ANP32A: variants seen among roughly 807,000 people sequenced by gnomAD.
ANP32A encodes the protein acidic nuclear phosphoprotein 32 family member A, also known as acidic leucine-rich nuclear phosphoprotein 32 family member A.
ANP32A carries 1 observed loss-of-function variant against 33.9 expected under a neutral mutation model. That is an observed-to-expected ratio of 0.03 (90% CI 0.01 to 0.14). ANP32A has a LOEUF of 0.14. Ranked by LOEUF, ANP32A falls within the 10% of genes least tolerant of loss-of-function variation. The probability of loss-of-function intolerance (pLI) is 1.00; values close to 1 mark genes in which losing one functional copy is unlikely to be tolerated. For missense variants in ANP32A, 155 were observed against 306.0 expected (o/e 0.51, Z 3.68); for synonymous variants, 115 against 120.5 (o/e 0.95, Z 0.30).
chr15:68,787,744 G>T, intron 2 of ANP32A, 26 bp downstream of exon 2: 1 of 1,119,406 alleles, frequency 8.9e-7, no homozygotes, highest in Non-Finnish European at 1.4e-6. Context: ...CCGCCTCCCA[G>T]CACACACAGA....
intron 1 of ANP32A, among the ~76,000 whole-genome samples, chr15:68,804,618 T>C (rs895226960): frequency 6.6e-6 from 1 of 152,160 alleles, no homozygotes; most frequent in Non-Finnish European, 1.5e-5. Context: ...CTGCAACCTC[T>C]GATTCTCCTG....
Position 68,800,743 on chromosome 15 carries a change from C to CAAAAA in ANP32A, c.55-12829_55-12825dup, listed in dbSNP as rs398070692. On this transcript the variant is annotated intron_variant, in intron 1 of 6. Coordinates refer to ENST00000465139, the MANE Select transcript of ANP32A (RefSeq NM_006305.4). ...TGGGCGACACAGCGAGACTCCGTCT[C>CAAAAA]AAAAAAAAAAAAAAGAAAGAAAAGA... is the stretch of plus-strand genomic sequence containing the variant. Among the ~76,000 whole-genome samples, 5 of 83,628 alleles carry CAAAAA rather than the reference C, an allele frequency of 6.0e-5. 2 individuals carry two copies. The highest frequency in any genetic ancestry group is 1.1e-4 in the Non-Finnish European group (5 of 43,768). 54.9% of individuals were successfully genotyped at this position (83,628 alleles called of 152,430 possible). A position where few individuals can be genotyped will look rare whatever the true frequency, so the allele number is the denominator to read the frequency against.
At chr15:68,816,877 C>T (rs1894389601) in intron 1 of ANP32A, among the ~76,000 whole-genome samples, 1 of 152,190 alleles carries the variant, frequency 6.6e-6, no homozygotes, top group African/African-American at 2.4e-5. Context: ...CACAGGGGAA[C>T]TCAGGCTCAA....
At chr15:68,793,117 A>G (rs1228268681) in intron 1 of ANP32A, among the ~76,000 whole-genome samples, 2 of 152,164 alleles carry the variant, frequency 1.3e-5, no homozygotes, top group African/African-American at 4.8e-5. Context: ...TTACTCGTGT[A>G]TTAAGCATCC....
rs1244797225 is a variant in ANP32A, at chr15:68,784,208, GA to G, written c.526+188del. 11 of 638,942 alleles carry G rather than the reference GA, an allele frequency of 1.7e-5. No homozygotes were observed. The East Asian group carries it at 3.0e-4, about 18-fold the overall frequency. The allele number at this position is 638,942 out of a possible 1,614,324, so 39.6% of individuals were successfully genotyped here. On this transcript the variant is annotated intron_variant, in intron 4 of 6. Transcript: ENST00000465139. ...CCAATGAGACAGATTAGGGACTATG[GA>G]AAACAAAGCAGACAGCCCTACTCCC...
intron 1 of ANP32A, among the ~76,000 whole-genome samples, chr15:68,811,780 G>A (rs531059491): frequency 1.3e-5 from 2 of 152,306 alleles, no homozygotes; most frequent in East Asian, 3.9e-4. Context: ...CGTTGCCCAG[G>A]CTGGAATGCA....
intron 1 of ANP32A, among the ~76,000 whole-genome samples, chr15:68,800,910 C>T (rs1894125795): frequency 1.3e-5 from 2 of 151,846 alleles, no homozygotes. Flanking sequence ...AAGGAAAAGC[C>T]AGGGCAAAGA....
chr15:68,785,287 G>A (rs893322047), intron 3 of ANP32A, among the ~76,000 whole-genome samples: 1 of 152,154 alleles, frequency 6.6e-6, no homozygotes, highest in African/African-American at 2.4e-5. Context: ...CTCTGTCAAA[G>A]CTTTACACCA....
chr15:68,782,586 T>A (rs1158068489), intron 5 of ANP32A, among the ~76,000 whole-genome samples: 1 of 152,184 alleles, frequency 6.6e-6, no homozygotes, highest in African/African-American at 2.4e-5. Context: ...CAGACTTTGG[T>A]TTTCCCTAGC....
chr15:68,792,247 C>G (rs1465658294), intron 1 of ANP32A: 1 of 152,136 alleles, frequency 6.6e-6, no homozygotes, highest in Admixed American at 6.5e-5. Context: ...TTCCACTGAC[C>G]ATTTAAAAAT....
In ANP32A at chr15:68,784,791, C is replaced by G. The variant is rs117369378; in HGVS notation, c.328-196G>C. Among the ~76,000 whole-genome samples the G allele has an allele frequency of 4.6e-5, 7 of 152,114 alleles. No individual in the cohort carries two copies. In the South Asian group the frequency reaches 1.4e-3, roughly 31 times the overall value. ...ATCACCTGCAGTTTGTGGGCCTCGG[C>G]GTCTCCATCTGGAAAATGGGGGGTT... On this transcript the variant is annotated intron_variant, in intron 3 of 6. Coordinates refer to ENST00000465139, the MANE Select transcript of ANP32A (RefSeq NM_006305.4).
chr15:68,809,532 T>A (rs888477477), intron 1 of ANP32A, among the ~76,000 whole-genome samples: 8 of 152,178 alleles, frequency 5.3e-5, no homozygotes, highest in African/African-American at 1.7e-4. Flanking sequence ...GTAGTGTATG[T>A]GAATAATCCA....
intron 1 of ANP32A, among the ~76,000 whole-genome samples, chr15:68,794,437 T>C (rs1469792037): frequency 6.6e-6 from 1 of 152,210 alleles, no homozygotes; most frequent in Non-Finnish European, 1.5e-5. Flanking sequence ...TCAATACATA[T>C]TTGTAGCTTT....
chr15:68,784,438 C>G lies in ANP32A; in HGVS notation c.485G>C (p.Gly162Ala). The change falls in exon 4 of 7, where the codon GGC becomes GCC. Residue 162 changes from glycine (G) to alanine (A), a missense_variant. Transcript: ENST00000465139. ...DKEAPDSDAE[G>A]YVEGLDDEEE... is the part of the protein sequence containing the mutation. Reference sequence around the variant, plus strand: ...CTCATCATCCAGGCCCTCCACGTAGCCCTCAGCATCCGAGTCAGGGGCCTC... The same window carrying G: ...CTCATCATCCAGGCCCTCCACGTAGGCCTCAGCATCCGAGTCAGGGGCCTC... The G allele has an allele frequency of 6.2e-7, 1 of 1,614,150 alleles. No individual in the cohort carries two copies. Among genetic ancestry groups the G allele is most frequent in the Non-Finnish European group, 8.5e-7 (1 of 1,180,036 alleles).
intron 1 of ANP32A, chr15:68,789,129 C>T (rs1893969046): frequency 6.6e-6 from 1 of 152,326 alleles, no homozygotes; most frequent in South Asian, 2.1e-4. Context: ...CCCGGCCTCT[C>T]TGGACTGGAA....
chr15:68,788,302 C>T (rs988609539), intron 1 of ANP32A, among the ~76,000 whole-genome samples: 2 of 152,234 alleles, frequency 1.3e-5, no homozygotes, highest in East Asian at 1.9e-4. Flanking sequence ...CCAGCCACAG[C>T]ATTGTTAGGG....
At chr15:68,783,084 A>G in intron 4 of ANP32A, 31 bp from the exon 5 acceptor site, 11 of 1,551,426 alleles carry the variant, frequency 7.1e-6, no homozygotes, top group Non-Finnish European at 8.7e-6. Flanking sequence ...ACGGAAACAG[A>G]ACTAGTGGTG....
At position 68,797,916 on chromosome 15, in the gene ANP32A, C is replaced by T. The variant is rs148108720; in HGVS notation, c.55-9997G>A. 2.9e-3 allele frequency among the ~76,000 whole-genome samples: 410 copies of T among 142,372 alleles called. 3 individuals carry two copies. The highest frequency in any genetic ancestry group is 9.9e-3 in the African/African-American group (396 of 40,028). 93.4% of individuals were successfully genotyped at this position (142,372 alleles called of 152,430 possible). Reference sequence around the variant, plus strand: ...TTTCAGTAAATGCTTGCTGAATGGCCAAACAGGCTAGGGGAGGGGTGGGGT... The same window carrying T: ...TTTCAGTAAATGCTTGCTGAATGGCTAAACAGGCTAGGGGAGGGGTGGGGT... On this transcript the variant is annotated intron_variant, in intron 1 of 6. Transcript: ENST00000465139.
chr15:68,781,995 A>G (rs1292308514), intron 5 of ANP32A, among the ~76,000 whole-genome samples: 1 of 152,238 alleles, frequency 6.6e-6, no homozygotes, highest in East Asian at 1.9e-4. Context: ...CCGTGTGGCA[A>G]GCGGATGTGT....
Sources: allele counts gnomAD v4.1 joint callset (sites outside exome capture counted in the v4.1 genomes callset), GRCh38; gene constraint gnomAD v4.1.1; transcripts MANE v1.5; gene names NCBI Gene and HGNC (gene_info 2026-07-23, HGNC 2026-07-21).